IQGAP1: variants seen among roughly 807,000 people sequenced by gnomAD.
IQGAP1 encodes IQ motif containing GTPase activating protein 1, also known as ras GTPase-activating-like protein IQGAP1.
Under a neutral mutation model 215.6 loss-of-function variants are expected in IQGAP1, and 66 were observed. The observed-to-expected ratio is 0.31, with a 90% CI of 0.25 to 0.38. The LOEUF (loss-of-function observed/expected upper bound fraction) is 0.38. Among genes scored for constraint, IQGAP1 ranks in the 10% least tolerant of loss-of-function variants. The pLI is 1.00. For synonymous variants in IQGAP1, 772 were observed against 728.7 expected, an observed-to-expected ratio of 1.06 and a Z score of -0.96; for missense variants, 1,712 against 1,997.1, an observed-to-expected ratio of 0.86 and a Z score of 2.72.
intron 37 of IQGAP1, 118 bp from the exon 38 acceptor site, chr15:90,499,877 C>G (rs1053471553): frequency 2.5e-5 from 16 of 652,718 alleles, no homozygotes; most frequent in African/African-American, 1.5e-4. Context: ...ACATCTGGCA[C>G]ACAAGGCAGG....
chr15:90,431,544 A>G (rs1313276854), intron 4 of IQGAP1, among the ~76,000 whole-genome samples: 1 of 152,128 alleles, frequency 6.6e-6, no homozygotes, highest in Non-Finnish European at 1.5e-5. Context: ...ATGCTTTTTT[A>G]ATGATGTAAT....
At chr15:90,397,151 G>C (rs1964734217) in intron 2 of IQGAP1, among the ~76,000 whole-genome samples, 1 of 152,146 alleles carries the variant, frequency 6.6e-6, no homozygotes, top group Non-Finnish European at 1.5e-5. Flanking sequence ...ACTGCACCCA[G>C]CCTAGCAAAA....
At chr15:90,444,289 A>T (rs58050157) in intron 9 of IQGAP1, among the ~76,000 whole-genome samples, 21,744 of 117,068 alleles carry the variant, frequency 0.19, 2,179 homozygotes, top group African/African-American at 0.29. Context: ...GTATATATAT[A>T]TTTTTTTTTT....
At chr15:90,441,747 C>T in intron 8 of IQGAP1, 63 bp downstream of exon 8, 1 of 1,136,336 alleles carries the variant, frequency 8.8e-7, no homozygotes, top group Non-Finnish European at 1.3e-6. Flanking sequence ...GATATGGCTC[C>T]AGTTTAAACA....
chr15:90,419,934 G>T (rs1965109353), intron 2 of IQGAP1, among the ~76,000 whole-genome samples: 3 of 152,160 alleles, frequency 2.0e-5, no homozygotes, highest in Non-Finnish European at 4.4e-5. Context: ...GTCTAACACT[G>T]CTAATATAAT....
At chr15:90,426,367 T>C (rs560731198) in intron 3 of IQGAP1, 101 bp downstream of exon 3, 1 of 1,317,734 alleles carries the variant, frequency 7.6e-7, no homozygotes, top group East Asian at 2.6e-5. Flanking sequence ...GTAAGGTGTG[T>C]TTGTTGCAAC....
chr15:90,419,875 T>C (rs1452079490), intron 2 of IQGAP1, among the ~76,000 whole-genome samples: 4 of 152,162 alleles, frequency 2.6e-5, no homozygotes, highest in East Asian at 1.9e-4. Context: ...CAGTGTTCAG[T>C]TGGAGAAAGT....
At chr15:90,497,966 C>T (rs536181424) in intron 37 of IQGAP1, among the ~76,000 whole-genome samples, 178 of 152,266 alleles carry the variant, frequency 1.2e-3, no homozygotes, top group Non-Finnish European at 2.1e-3. Flanking sequence ...TGCACTGCTT[C>T]ACACAGCCAT....
rs552222380 is a variant in IQGAP1, at chr15:90,496,306, C to CTTTTTTTTTTTTTTTTTTTTTTTTTT, written c.4752-922_4752-897dup. ...GATCATCCAGAGAACAGCATAATCCCTTTTTTTTTTTTTTTTTTTTTTTTT... is the reference window on the plus strand; with the variant it reads ...GATCATCCAGAGAACAGCATAATCCCTTTTTTTTTTTTTTTTTTTTTTTTTTTTTTTTTTTTTTTTTTTTTTTTTTT... On this transcript the variant is annotated intron_variant, in intron 36 of 37. Transcript: ENST00000268182. 1.5e-4 allele frequency among the ~76,000 whole-genome samples: 16 copies of CTTTTTTTTTTTTTTTTTTTTTTTTTT among 106,116 alleles called. 4 individuals are homozygous for CTTTTTTTTTTTTTTTTTTTTTTTTTT. The highest frequency in any genetic ancestry group is 6.6e-4 in the African/African-American group (15 of 22,584). 69.6% of individuals were successfully genotyped at this position (106,116 alleles called of 152,430 possible).
At position 90,391,905 on chromosome 15, in the gene IQGAP1, A is replaced by G. The variant is rs768267639; in HGVS notation, c.155+1032A>G. On this transcript the variant is annotated intron_variant, in intron 2 of 37. Coordinates refer to ENST00000268182, the MANE Select transcript of IQGAP1 (RefSeq NM_003870.4). ...AATATTTGTAATTAACGTTTAATAA[A>G]AAGGGTGTTTGAAGTGGTGCTAATA... 1.1e-4 allele frequency: 17 copies of G among 152,332 alleles called. No homozygotes were observed. The South Asian group carries it at 1.2e-3, about 11-fold the overall frequency. The allele number at this position is 152,332 out of a possible 1,614,324, so 9.4% of individuals were successfully genotyped here.
At chr15:90,437,488 A>T (rs1965386119) in intron 5 of IQGAP1, among the ~76,000 whole-genome samples, 1 of 152,072 alleles carries the variant, frequency 6.6e-6, no homozygotes, top group African/African-American at 2.4e-5. Context: ...AAAATATATA[A>T]AAAATATATA....
At chr15:90,473,862 G>A (rs1965939601) in intron 20 of IQGAP1, 34 bp from the exon 21 acceptor site, 1 of 1,612,302 alleles carries the variant, frequency 6.2e-7, no homozygotes, top group Non-Finnish European at 8.5e-7. Flanking sequence ...TGAGATGAAG[G>A]ACTCTTCTAA....
At chr15:90,474,832 T>G in intron 23 of IQGAP1, 139 bp downstream of exon 23, 1 of 633,910 alleles carries the variant, frequency 1.6e-6, no homozygotes, top group Non-Finnish European at 2.7e-6. Flanking sequence ...TTTTTTCTTT[T>G]GACTGAGTCT....
chr15:90,494,940 T>A, intron 36 of IQGAP1, 105 bp downstream of exon 36: 1 of 739,350 alleles, frequency 1.4e-6, no homozygotes, highest in Non-Finnish European at 2.2e-6. Context: ...ACTTTTAGTA[T>A]TTTTTATGTA....
intron 9 of IQGAP1, among the ~76,000 whole-genome samples, chr15:90,447,440 C>A (rs1375167708): frequency 6.6e-6 from 1 of 152,050 alleles, no homozygotes; most frequent in East Asian, 1.9e-4. Context: ...TTTATAACAG[C>A]TTATTAATTT....
At chr15:90,390,656 C>A in intron 1 of IQGAP1, 118 bp from the exon 2 acceptor site, 1 of 664,392 alleles carries the variant, frequency 1.5e-6, no homozygotes, top group Non-Finnish European at 2.7e-6. Context: ...GCTGGCTACA[C>A]ACTCATTAGT....
chr15:90,414,927 G>A (rs772168623), intron 2 of IQGAP1, among the ~76,000 whole-genome samples: 60 of 152,126 alleles, frequency 3.9e-4, no homozygotes, highest in Non-Finnish European at 1.5e-4. Context: ...CTTTTATGTA[G>A]TCATCCATGC....
intron 23 of IQGAP1, among the ~76,000 whole-genome samples, chr15:90,475,320 C>G (rs554498210): frequency 6.6e-6 from 1 of 151,616 alleles, no homozygotes; most frequent in African/African-American, 2.4e-5. Flanking sequence ...TTAGTAGAGA[C>G]GGGGGTTTCA....
At chr15:90,424,199 AT>A (rs532474439) in intron 2 of IQGAP1, among the ~76,000 whole-genome samples, 93 of 152,266 alleles carry the variant, frequency 6.1e-4, no homozygotes, top group African/African-American at 2.1e-3. Flanking sequence ...CAGTAAAAAG[AT>A]GAGATGTGTC....
Sources: gnomAD v4.1 joint callset for allele counts (sites outside exome capture counted in the v4.1 genomes callset) on GRCh38, gnomAD v4.1.1 for gene constraint, MANE v1.5 for transcripts, NCBI Gene and HGNC (gene_info 2026-07-23, HGNC 2026-07-21) for gene names.